ADAM22: variants seen among roughly 807,000 people sequenced by gnomAD.
ADAM22 encodes the protein disintegrin and metalloproteinase domain-containing protein 22.
ADAM22 carries 65 observed loss-of-function variants against 144.6 expected under a neutral mutation model. That is an observed-to-expected ratio of 0.45 (90% CI 0.37 to 0.55). ADAM22 has a LOEUF of 0.55. Among genes scored for constraint, ADAM22 ranks in the 20% least tolerant of loss-of-function variants. The probability of loss-of-function intolerance (pLI) is 0.00; values close to 1 mark genes in which losing one functional copy is unlikely to be tolerated. For synonymous variants in ADAM22, 391 were observed against 412.6 expected, an observed-to-expected ratio of 0.95 and a Z score of 0.63; for missense variants, 974 against 1,184.9, an observed-to-expected ratio of 0.82 and a Z score of 2.61.
At chr7:88,010,660 C>G (rs140692833) in intron 3 of ADAM22, among the ~76,000 whole-genome samples, 27 of 152,250 alleles carry the variant, frequency 1.8e-4, no homozygotes, top group Non-Finnish European at 3.2e-4. Context: ...ATGTGCCCAC[C>G]TCAACTTTTC....
At chr7:88,043,278 G>A (rs940737343) in intron 3 of ADAM22, among the ~76,000 whole-genome samples, 1 of 151,970 alleles carries the variant, frequency 6.6e-6, no homozygotes, top group Non-Finnish European at 1.5e-5. Flanking sequence ...GAGGTCAGGA[G>A]ATCGAGACCA....
chr7:88,175,962 A>G (rs912055724), intron 26 of ADAM22, among the ~76,000 whole-genome samples: 5 of 152,102 alleles, frequency 3.3e-5, no homozygotes, highest in African/African-American at 1.2e-4. Flanking sequence ...CATTATTATT[A>G]GTAGTAGTAT....
rs1850922712 is a variant in ADAM22, at chr7:88,198,714, G to T, written c.*2223G>T. On this transcript the variant is annotated 3_prime_UTR_variant, in exon 32 of 32. Coordinates refer to ENST00000413139, the MANE Select transcript of ADAM22 (RefSeq NM_001324418.2). ...AAAGAATCCACAAATGGCTAGCTGA[G>T]AAGTTAACAGATCTCTATCATTCGT... is the stretch of plus-strand genomic sequence containing the variant. 6.6e-6 allele frequency: 1 copy of T among 152,184 alleles called. No individual in the cohort carries two copies. The highest frequency in any genetic ancestry group is 2.4e-5 in the African/African-American group (1 of 41,446). The allele number at this position is 152,184 out of a possible 1,614,324, so 9.4% of individuals were successfully genotyped here.
chr7:88,160,463 T>G (rs1841276892), intron 22 of ADAM22, among the ~76,000 whole-genome samples: 1 of 152,014 alleles, frequency 6.6e-6, no homozygotes, highest in Non-Finnish European at 1.5e-5. Flanking sequence ...CAAACTATAG[T>G]ACAGGGCTAC....
In ADAM22 at chr7:88,197,077, CATATTT is replaced by C. The variant is rs2129541820; in HGVS notation, c.*592_*597del. Reference sequence around the variant, plus strand: ...TATTTTTGTTTTGTTTTTTACTTTTCATATTTATATTAGCATACAAGGACAATTGTA... The same window carrying C: ...TATTTTTGTTTTGTTTTTTACTTTTCATATTAGCATACAAGGACAATTGTA... On this transcript the variant is annotated 3_prime_UTR_variant, in exon 32 of 32. Coordinates refer to ENST00000413139, the MANE Select transcript of ADAM22 (RefSeq NM_001324418.2). The C allele has an allele frequency of 6.6e-6, 1 of 152,422 alleles. No individual in the cohort carries two copies. Among genetic ancestry groups the C allele is most frequent in the Admixed American group, 6.5e-5 (1 of 15,332 alleles). The allele number at this position is 152,422 out of a possible 1,614,324, so 9.4% of individuals were successfully genotyped here. A position where few individuals can be genotyped will look rare whatever the true frequency, so the allele number is the denominator to read the frequency against.
intron 2 of ADAM22, among the ~76,000 whole-genome samples, chr7:87,958,719 A>G (rs1847374209): frequency 6.6e-6 from 1 of 152,032 alleles, no homozygotes; most frequent in Admixed American, 6.6e-5. Context: ...TGGGTATGAG[A>G]TGGTATCTAG....
At chr7:88,078,526 G>C (rs539262457) in intron 4 of ADAM22, among the ~76,000 whole-genome samples, 2 of 152,336 alleles carry the variant, frequency 1.3e-5, no homozygotes, top group South Asian at 2.1e-4. Flanking sequence ...AGAGAAGAAG[G>C]CTTCAGGAGA....
intron 17 of ADAM22, among the ~76,000 whole-genome samples, chr7:88,148,199 A>G (rs1238341266): frequency 6.6e-6 from 1 of 152,144 alleles, no homozygotes; most frequent in Non-Finnish European, 1.5e-5. Context: ...CCTTTGTGTG[A>G]GCAGACACAA....
At chr7:88,133,512 A>G (rs576808806) in intron 12 of ADAM22, among the ~76,000 whole-genome samples, 2 of 152,260 alleles carry the variant, frequency 1.3e-5, no homozygotes, top group African/African-American at 4.8e-5. Context: ...TTATGCTTGG[A>G]ATAATTTCCA....
At chr7:88,085,576 C>G (rs1047047601) in intron 4 of ADAM22, among the ~76,000 whole-genome samples, 3 of 152,070 alleles carry the variant, frequency 2.0e-5, no homozygotes, top group African/African-American at 4.8e-5. Context: ...CATGATAAAT[C>G]TTTTAGATTG....
At chr7:88,135,957 C>T (rs576933377) in intron 13 of ADAM22, 23 bp from the exon 14 acceptor site, 6 of 1,599,376 alleles carry the variant, frequency 3.8e-6, no homozygotes, top group East Asian at 2.2e-5. Flanking sequence ...TATAACAAGG[C>T]ATGTGTATTA....
chr7:87,990,278 A>G (rs1387984848), intron 3 of ADAM22, among the ~76,000 whole-genome samples: 1 of 152,200 alleles, frequency 6.6e-6, no homozygotes, highest in African/African-American at 2.4e-5. Flanking sequence ...GCTTTATTGA[A>G]CAGAAGTATA....
intron 14 of ADAM22, among the ~76,000 whole-genome samples, chr7:88,140,217 T>C (rs774411464): frequency 6.6e-6 from 1 of 152,000 alleles, no homozygotes; most frequent in South Asian, 2.1e-4. Context: ...ACTCTCAACA[T>C]TGGGGTCATA....
chr7:88,077,429 C>T (rs556270164), intron 4 of ADAM22, among the ~76,000 whole-genome samples: 38 of 152,230 alleles, frequency 2.5e-4, no homozygotes, highest in East Asian at 1.2e-3. Context: ...ATGCAGAAGA[C>T]GGGTGATTTC....
chr7:88,096,244 T>TC (rs1369837876), intron 4 of ADAM22, among the ~76,000 whole-genome samples: 1 of 139,362 alleles, frequency 7.2e-6, no homozygotes, highest in Non-Finnish European at 1.6e-5. Flanking sequence ...TTTTTTTTTT[T>TC]CCCCCAAAGA....
chr7:88,004,004 G>T (rs1224819284), intron 3 of ADAM22, among the ~76,000 whole-genome samples: 1 of 152,196 alleles, frequency 6.6e-6, no homozygotes, highest in African/African-American at 2.4e-5. Context: ...TCAAAAGAAA[G>T]ATATTTAAAA....
intron 17 of ADAM22, among the ~76,000 whole-genome samples, chr7:88,147,511 A>G (rs1461226117): frequency 6.6e-6 from 1 of 152,252 alleles, no homozygotes; most frequent in Non-Finnish European, 1.5e-5. Context: ...ACAAATGGGC[A>G]TAGCTGTGTT....
chr7:88,118,065 T>C (rs951007982), intron 7 of ADAM22, among the ~76,000 whole-genome samples: 2 of 152,136 alleles, frequency 1.3e-5, no homozygotes, highest in Non-Finnish European at 2.9e-5. Context: ...TCCCGGTTTG[T>C]AGATGAAGAA....
intron 2 of ADAM22, among the ~76,000 whole-genome samples, chr7:87,953,336 G>T (rs1415642255): frequency 6.6e-6 from 1 of 151,500 alleles, no homozygotes; most frequent in African/African-American, 2.4e-5. Context: ...ATTCTGGTAT[G>T]TTGGGTGTTT....
Sources: allele counts gnomAD v4.1 joint callset (sites outside exome capture counted in the v4.1 genomes callset), GRCh38; gene constraint gnomAD v4.1.1; transcripts MANE v1.5; gene names NCBI Gene and HGNC (gene_info 2026-07-23, HGNC 2026-07-21).